Variants in MAP7 observed in about 807,000 individuals in gnomAD.
MAP7 encodes the protein microtubule associated protein 7.
A neutral mutation model predicts 94.8 loss-of-function variants in MAP7; 52 were observed. The ratio of observed to expected loss-of-function variants is 0.55; its 90% confidence interval spans 0.44 to 0.69. The LOEUF (loss-of-function observed/expected upper bound fraction) is 0.69, where lower values mean the gene tolerates loss of function less well. MAP7 is among the 30% of genes least tolerant of loss of function. The pLI, the probability that MAP7 is intolerant of heterozygous loss-of-function variation, is 0.00. For missense variants in MAP7, 940 were observed against 964.6 expected (o/e 0.97, Z 0.34); for synonymous variants, 350 against 357.0 (o/e 0.98, Z 0.22).
intron 1 of MAP7, among the ~76,000 whole-genome samples, chr6:136,469,557 G>A (rs190255577): frequency 6.6e-6 from 1 of 151,954 alleles, no homozygotes; most frequent in Non-Finnish European, 1.5e-5. Context: ...TTTTTGGAGG[G>A]GGGTAGGGAA....
At chr6:136,504,437 G>A (rs369848032) in intron 1 of MAP7, among the ~76,000 whole-genome samples, 83 of 151,244 alleles carry the variant, frequency 5.5e-4, no homozygotes, top group South Asian at 1.5e-3. Flanking sequence ...CAACCTCCAC[G>A]TCCTGGGTTC....
intron 7 of MAP7, 53 bp downstream of exon 7, chr6:136,377,702 C>T (rs775566629): frequency 2.2e-5 from 29 of 1,332,188 alleles, no homozygotes; most frequent in Non-Finnish European, 3.1e-5. Flanking sequence ...GACGAATATG[C>T]TTCAAAGGGA....
intron 16 of MAP7, among the ~76,000 whole-genome samples, chr6:136,351,650 G>A (rs1246512720): frequency 3.3e-5 from 5 of 152,154 alleles, no homozygotes; most frequent in African/African-American, 9.7e-5. Flanking sequence ...AAGAATCTCT[G>A]AAGAAATATG....
At chr6:136,491,828 G>GA (rs1430981781) in intron 1 of MAP7, among the ~76,000 whole-genome samples, 1 of 152,104 alleles carries the variant, frequency 6.6e-6, no homozygotes, top group Non-Finnish European at 1.5e-5. Context: ...ATTCTGATCT[G>GA]AAAGAATGGC....
intron 1 of MAP7, among the ~76,000 whole-genome samples, chr6:136,436,343 C>T (rs997066243): frequency 7.9e-5 from 12 of 151,606 alleles, no homozygotes; most frequent in Non-Finnish European, 8.8e-5. Flanking sequence ...ACTACTTATG[C>T]CTGAAAAAGT....
intron 3 of MAP7, among the ~76,000 whole-genome samples, chr6:136,402,500 C>A (rs1402625116): frequency 1.3e-5 from 2 of 152,206 alleles, no homozygotes; most frequent in Non-Finnish European, 2.9e-5. Flanking sequence ...TCCCATTTCA[C>A]CCTGTCACTG....
intron 2 of MAP7, among the ~76,000 whole-genome samples, chr6:136,416,793 G>A (rs1562376413): frequency 6.7e-6 from 1 of 150,020 alleles, no homozygotes; most frequent in African/African-American, 2.5e-5. Flanking sequence ...GTGACAGGAC[G>A]AGACTACGTC....
intron 1 of MAP7, among the ~76,000 whole-genome samples, chr6:136,533,128 C>T (rs1828605983): frequency 6.6e-6 from 1 of 152,066 alleles, no homozygotes; most frequent in South Asian, 2.1e-4. Context: ...CAAAATTAGC[C>T]GGGCATGGTG....
chr6:136,409,029 T>C lies in MAP7; in HGVS notation c.244+2591A>G, dbSNP rs79377903. ...TTGAAGGGAGCCTCTCAAGACTTAG[T>C]TCTAACTATGATGGTTTAAATGGAA... On this transcript the variant is annotated intron_variant, in intron 3 of 17. Transcript: ENST00000354570. 4.7e-4 allele frequency among the ~76,000 whole-genome samples: 72 copies of C among 152,122 alleles called. 1 individual carries two copies. In the East Asian group the frequency reaches 0.012, roughly 26 times the overall value.
At chr6:136,449,866 C>A (rs1247379994) in intron 1 of MAP7, among the ~76,000 whole-genome samples, 1 of 152,148 alleles carries the variant, frequency 6.6e-6, no homozygotes, top group Admixed American at 6.5e-5. Flanking sequence ...AACAAAGGAA[C>A]CTGAATAAAT....
At chr6:136,419,309 T>C (rs1790497235) in intron 2 of MAP7, among the ~76,000 whole-genome samples, 1 of 152,190 alleles carries the variant, frequency 6.6e-6, no homozygotes, top group Non-Finnish European at 1.5e-5. Flanking sequence ...AGTAAAAGAA[T>C]GGTAGAAATT....
intron 3 of MAP7, among the ~76,000 whole-genome samples, chr6:136,397,438 G>A (rs896712216): frequency 6.6e-6 from 1 of 152,122 alleles, no homozygotes; most frequent in East Asian, 1.9e-4. Context: ...ATTAAGAAAT[G>A]ATAATTTTGA....
At chr6:136,548,429 A>G (rs1294611543) in intron 1 of MAP7, among the ~76,000 whole-genome samples, 1 of 152,176 alleles carries the variant, frequency 6.6e-6, no homozygotes, top group African/African-American at 2.4e-5. Flanking sequence ...AAAAATAGGA[A>G]AGAGATGCGG....
chr6:136,348,132 A>C (rs1788195196), intron 16 of MAP7, among the ~76,000 whole-genome samples: 1 of 152,032 alleles, frequency 6.6e-6, no homozygotes, highest in Admixed American at 6.6e-5. Context: ...TAACTAGGGA[A>C]ACAATTTTGG....
intron 1 of MAP7, among the ~76,000 whole-genome samples, chr6:136,496,498 T>G (rs765304927): frequency 1.3e-5 from 2 of 151,850 alleles, no homozygotes; most frequent in Non-Finnish European, 2.9e-5. Context: ...TTCCACAAGA[T>G]CCTATCAATT....
intron 3 of MAP7, among the ~76,000 whole-genome samples, chr6:136,390,663 C>A (rs944957359): frequency 2.0e-5 from 3 of 151,988 alleles, no homozygotes; most frequent in Admixed American, 2.0e-4. Flanking sequence ...CAAAAACAAA[C>A]AAACAAACAA....
chr6:136,505,057 T>C (rs1820960307), intron 1 of MAP7, among the ~76,000 whole-genome samples: 1 of 152,092 alleles, frequency 6.6e-6, no homozygotes. Flanking sequence ...CTGCTTCTTT[T>C]GTTTTTTAAA....
At chr6:136,407,417 A>ATTT (rs771246024) in intron 3 of MAP7, among the ~76,000 whole-genome samples, 5 of 152,166 alleles carry the variant, frequency 3.3e-5, no homozygotes, top group African/African-American at 4.8e-5. Context: ...CTAAAAGGAG[A>ATTT]TTTTCTAGGA....
chr6:136,470,148 ATCTGCAATCTGACACCTTGC>A (rs1808480218), intron 1 of MAP7, among the ~76,000 whole-genome samples: 2 of 152,194 alleles, frequency 1.3e-5, no homozygotes, highest in South Asian at 4.2e-4. Context: ...CTCTCATCAA[ATCTGCAATCTGACACCTTGC>A]TCTGCTTTGT....
Sources: allele counts gnomAD v4.1 joint callset (sites outside exome capture counted in the v4.1 genomes callset), GRCh38; gene constraint gnomAD v4.1.1; transcripts MANE v1.5; gene names NCBI Gene and HGNC (gene_info 2026-07-23, HGNC 2026-07-21).